SLC16A7: variants seen among roughly 807,000 people sequenced by gnomAD.
SLC16A7 encodes the protein solute carrier family 16 member 7.
In SLC16A7, 33 loss-of-function variants were observed where a neutral mutation model predicts 34.9. The ratio of observed to expected loss-of-function variants is 0.94; its 90% confidence interval spans 0.72 to 1.26. The LOEUF (loss-of-function observed/expected upper bound fraction) is 1.26, where lower values mean the gene tolerates loss of function less well. Among genes scored for constraint, SLC16A7 ranks in the 50% most tolerant of loss-of-function variants. The pLI is 0.00. For missense variants in SLC16A7, 573 were observed against 578.1 expected (o/e 0.99, Z 0.09); for synonymous variants, 201 against 206.6 (o/e 0.97, Z 0.23).
intron 1 of SLC16A7, among the ~76,000 whole-genome samples, chr12:59,653,602 T>G (rs1868391226): frequency 6.6e-6 from 1 of 151,684 alleles, no homozygotes; most frequent in Admixed American, 6.6e-5. Flanking sequence ...AATTCTAAAT[T>G]CAAGTGAATT....
rs1169023732 is a variant in SLC16A7, at chr12:59,704,872, G to C, written c.71G>C (p.Gly24Ala). 1 of 1,613,922 alleles carries C rather than the reference G, an allele frequency of 6.2e-7. No homozygotes were observed. Among genetic ancestry groups the C allele is most frequent in the Non-Finnish European group, 8.5e-7 (1 of 1,179,928 alleles). ...GGAGGATGGGGTTGGATTGTGGTTG[G>C]AGCAGCTTTTATCTCCATTGGATTT... ...PDGGWGWIVVGAAFISIGFSY... is the reference protein window; with the variant it reads ...PDGGWGWIVVAAAFISIGFSY... Residue 24 changes from glycine (G) to alanine (A), a missense_variant, in exon 3 of 6, where the codon GGA becomes GCA. By Grantham distance (60) the Gly-to-Ala change is moderately conservative. Transcript: ENST00000547379.
At chr12:59,654,980 G>T (rs181009700) in intron 1 of SLC16A7, among the ~76,000 whole-genome samples, 172 bp from the exon 2 acceptor site, 1 of 151,992 alleles carries the variant, frequency 6.6e-6, no homozygotes. Flanking sequence ...ATATCTAAAT[G>T]GTCCTTTAAA....
chr12:59,620,896 C>T (rs1879669651), intron 1 of SLC16A7, among the ~76,000 whole-genome samples: 1 of 151,788 alleles, frequency 6.6e-6, no homozygotes, highest in African/African-American at 2.4e-5. Flanking sequence ...TCCTTCACAC[C>T]AATGTCCGAG....
chr12:59,754,108 T>C (rs1185539227), intron 3 of SLC16A7, among the ~76,000 whole-genome samples: 2 of 151,908 alleles, frequency 1.3e-5, no homozygotes, highest in Non-Finnish European at 2.9e-5. Context: ...TTCAAAGCAG[T>C]GTGTAGAGGG....
intron 3 of SLC16A7, among the ~76,000 whole-genome samples, chr12:59,760,214 C>T (rs1479059926): frequency 6.6e-6 from 1 of 151,982 alleles, no homozygotes; most frequent in East Asian, 1.9e-4. Flanking sequence ...AGATTTTATT[C>T]CCTCTAAAAA....
intron 1 of SLC16A7, among the ~76,000 whole-genome samples, chr12:59,624,556 TG>T (rs2136985249): frequency 6.6e-6 from 1 of 151,920 alleles, no homozygotes; most frequent in Non-Finnish European, 1.5e-5. Flanking sequence ...TGCTGGGGTC[TG>T]GGGCATCACA....
At chr12:59,678,525 C>T (rs1870489351) in intron 2 of SLC16A7, among the ~76,000 whole-genome samples, 2 of 152,148 alleles carry the variant, frequency 1.3e-5, no homozygotes, top group South Asian at 4.1e-4. Flanking sequence ...AGAGAGGAGA[C>T]TCTGGAGTGA....
intron 2 of SLC16A7, among the ~76,000 whole-genome samples, chr12:59,680,480 C>G (rs952767332): frequency 6.6e-6 from 1 of 152,088 alleles, no homozygotes; most frequent in Non-Finnish European, 1.5e-5. Flanking sequence ...GTTCTTTAGC[C>G]TCTACTCTTC....
chr12:59,752,518 A>C (rs1879706839), intron 3 of SLC16A7, among the ~76,000 whole-genome samples: 1 of 152,216 alleles, frequency 6.6e-6, no homozygotes, highest in African/African-American at 2.4e-5. Flanking sequence ...ATGGAAGATG[A>C]AATGAATGAA....
At chr12:59,759,845 T>C (rs1269506544) in intron 3 of SLC16A7, among the ~76,000 whole-genome samples, 1 of 152,080 alleles carries the variant, frequency 6.6e-6, no homozygotes, top group Non-Finnish European at 1.5e-5. Flanking sequence ...ATAAACAATC[T>C]TTTTTCTTCC....
intron 3 of SLC16A7, among the ~76,000 whole-genome samples, chr12:59,767,852 C>A (rs1261497325): frequency 6.7e-6 from 1 of 149,970 alleles, no homozygotes; most frequent in South Asian, 2.1e-4. Flanking sequence ...GACAAAAAAC[C>A]AATCACCGCA....
intron 1 of SLC16A7, among the ~76,000 whole-genome samples, chr12:59,617,281 T>C (rs1233530432): frequency 2.0e-5 from 3 of 152,044 alleles, no homozygotes; most frequent in South Asian, 2.1e-4. Context: ...TTTATTAATA[T>C]ACTCATAAAA....
chr12:59,696,602 GA>G (rs1872323459), intron 2 of SLC16A7: 1 of 151,956 alleles, frequency 6.6e-6, no homozygotes, highest in African/African-American at 2.4e-5. Flanking sequence ...AGACACAACA[GA>G]TATAAATTGT....
chr12:59,716,248 G>A (rs1335332387), intron 3 of SLC16A7, among the ~76,000 whole-genome samples: 2 of 152,206 alleles, frequency 1.3e-5, no homozygotes, highest in South Asian at 2.1e-4. Flanking sequence ...TTGGATTAGC[G>A]GCAGCCTGTG....
At chr12:59,774,636 C>T (rs751779556) in intron 4 of SLC16A7, 21 bp from the exon 5 acceptor site, 2 of 1,473,920 alleles carry the variant, frequency 1.4e-6, no homozygotes, top group South Asian at 1.3e-5. Context: ...TTTTCCCCCA[C>T]TTTTGTTTTG....
rs1259157938 is a variant in SLC16A7 at position 59,784,747 on chromosome 12, T to G, written c.*5068T>G. The G allele has an allele frequency of 2.0e-5, 3 of 152,218 alleles. No homozygotes were observed. The highest frequency in any genetic ancestry group is 4.4e-5 in the Non-Finnish European group (3 of 68,034). The allele number at this position is 152,218 out of a possible 1,614,324, so 9.4% of individuals were successfully genotyped here. A position where few individuals can be genotyped will look rare whatever the true frequency, so the allele number is the denominator to read the frequency against. ...GCATTCTTCTCAAAGTCAGCCATGATGCACATATTTATAATTACATACACA... is the reference window on the plus strand; with the variant it reads ...GCATTCTTCTCAAAGTCAGCCATGAGGCACATATTTATAATTACATACACA... On this transcript the variant is annotated 3_prime_UTR_variant, in exon 6 of 6. Coordinates refer to ENST00000547379, the MANE Select transcript of SLC16A7 (RefSeq NM_001270623.2).
chr12:59,755,640 A>T (rs1170193543), intron 3 of SLC16A7, among the ~76,000 whole-genome samples: 2 of 152,334 alleles, frequency 1.3e-5, no homozygotes, highest in African/African-American at 2.4e-5. Flanking sequence ...TTCCATGCTC[A>T]TGGGTAGGAA....
intron 3 of SLC16A7, among the ~76,000 whole-genome samples, chr12:59,714,657 C>T (rs1042895403): frequency 5.9e-5 from 9 of 152,026 alleles, no homozygotes; most frequent in Non-Finnish European, 1.0e-4. Flanking sequence ...CTCCGCCTCC[C>T]AGGTCCAAGT....
At chr12:59,601,303 T>G (rs1404500390) in intron 1 of SLC16A7, among the ~76,000 whole-genome samples, 1 of 152,230 alleles carries the variant, frequency 6.6e-6, no homozygotes, top group Non-Finnish European at 1.5e-5. Flanking sequence ...TACTAAGTAA[T>G]TAACTTGAAT....
Sources: gnomAD v4.1 joint callset for allele counts (sites outside exome capture counted in the v4.1 genomes callset) on GRCh38, gnomAD v4.1.1 for gene constraint, MANE v1.5 for transcripts, NCBI Gene and HGNC (gene_info 2026-07-23, HGNC 2026-07-21) for gene names.